UBA3: variants seen among roughly 807,000 people sequenced by gnomAD.
UBA3 encodes the protein NEDD8-activating enzyme E1 catalytic subunit.
UBA3 carries 26 observed loss-of-function variants against 73.5 expected under a neutral mutation model. The observed-to-expected ratio is 0.35, with a 90% CI of 0.26 to 0.49. UBA3 has a LOEUF of 0.49. UBA3 is among the 20% of genes least tolerant of loss of function. The pLI is 0.98. For synonymous variants in UBA3, 217 were observed against 191.2 expected (o/e 1.13, Z -1.11); for missense variants, 495 against 555.6 (o/e 0.89, Z 1.10).
intron 4 of UBA3, among the ~76,000 whole-genome samples, chr3:69,074,809 C>T (rs1248369828): frequency 6.6e-6 from 1 of 152,128 alleles, no homozygotes; most frequent in Non-Finnish European, 1.5e-5. Context: ...TAAATATATG[C>T]AAATAAGTTC....
chr3:69,076,050 C>A (rs534435444), intron 3 of UBA3, among the ~76,000 whole-genome samples: 1 of 151,994 alleles, frequency 6.6e-6, no homozygotes, highest in Non-Finnish European at 1.5e-5. Flanking sequence ...TTTTAAATTG[C>A]CTTTTATTGT....
In UBA3 at chr3:69,056,274, G is replaced by T. The variant is rs1361775048; in HGVS notation, c.1093C>A (p.Pro365Thr). ...TFEAERKENC[P>T]ACSQLPQNIQ... ...TTTTGAGGAAGCTGGCTACAAGCTG[G>T]GCAGTTTTCCTACACACATAATACA... The change falls in exon 15 of 18, where the codon CCA becomes ACA. Residue 365 changes from proline to threonine, a missense_variant. Coordinates refer to ENST00000361055, the MANE Select transcript of UBA3 (RefSeq NM_003968.4). The T allele has an allele frequency of 1.3e-6, 2 of 1,598,116 alleles. No homozygotes were observed. Among genetic ancestry groups the T allele is most frequent in the Non-Finnish European group, 1.7e-6 (2 of 1,175,482 alleles).
chr3:69,075,610 A>T, intron 3 of UBA3, 100 bp from the exon 4 acceptor site: 1 of 537,442 alleles, frequency 1.9e-6, no homozygotes, highest in East Asian at 3.8e-5. Context: ...TTCCAGGAAA[A>T]AATGCCACTA....
intron 2 of UBA3, 57 bp downstream of exon 2, chr3:69,080,055 G>A: frequency 6.5e-7 from 1 of 1,549,608 alleles, no homozygotes. Flanking sequence ...CCCTAGGCCT[G>A]GGGTGGGGGG....
In UBA3 at chr3:69,065,207, T is replaced by C. The variant is rs922537414; in HGVS notation, c.429-1096A>G. Reference sequence around the variant, plus strand: ...GTTTCCCAGACCCACATAATGGGGATAGACAAACTGAGTGCCCCCCACTAA... The same window carrying C: ...GTTTCCCAGACCCACATAATGGGGACAGACAAACTGAGTGCCCCCCACTAA... On this transcript the variant is annotated intron_variant, in intron 6 of 17. Coordinates refer to ENST00000361055, the MANE Select transcript of UBA3 (RefSeq NM_003968.4). Among the ~76,000 whole-genome samples the C allele has an allele frequency of 3.3e-5, 5 of 152,110 alleles. No homozygotes were observed. In the East Asian group the frequency reaches 5.8e-4, roughly 18 times the overall value.
intron 3 of UBA3, chr3:69,077,519 G>A (rs1410700869): frequency 1.1e-5 from 3 of 279,898 alleles, no homozygotes; most frequent in Non-Finnish European, 2.1e-5. Context: ...TACAAAAGGG[G>A]AGTATGTTTC....
At chr3:69,064,338 CTATATCAT>C (rs1159434997) in intron 6 of UBA3, among the ~76,000 whole-genome samples, 1 of 152,134 alleles carries the variant, frequency 6.6e-6, no homozygotes, top group Non-Finnish European at 1.5e-5. Context: ...TCCTGAACCC[CTATATCAT>C]TATATTTATG....
intron 2 of UBA3, chr3:69,079,888 G>A (rs955881559): frequency 9.7e-6 from 5 of 517,436 alleles, no homozygotes; most frequent in Non-Finnish European, 1.3e-5. Flanking sequence ...TGCAGGAGCT[G>A]GGGCAGTACA....
intron 6 of UBA3, among the ~76,000 whole-genome samples, chr3:69,065,682 T>C (rs1041883379): frequency 2.0e-5 from 3 of 152,182 alleles, no homozygotes; most frequent in Non-Finnish European, 4.4e-5. Flanking sequence ...GCTCAAGTGA[T>C]CTTCCCGCCT....
intron 12 of UBA3, 113 bp downstream of exon 12, chr3:69,057,143 A>T: frequency 9.1e-7 from 1 of 1,104,146 alleles, no homozygotes; most frequent in Non-Finnish European, 1.3e-6. Flanking sequence ...TCGACAGCTT[A>T]GTTACACAAC....
At chr3:69,069,790 T>C (rs975809950) in intron 5 of UBA3, among the ~76,000 whole-genome samples, 5 of 152,246 alleles carry the variant, frequency 3.3e-5, no homozygotes, top group Non-Finnish European at 5.9e-5. Flanking sequence ...GAAAGCTCTT[T>C]TGGTTTGTAA....
rs1193822203 is a variant in UBA3, at chr3:69,062,176, T to C, written c.697A>G (p.Asn233Asp). ...CTLELYPPQV[N>D]FPMCTIASMP... is the part of the protein sequence containing the mutation. ...GATGCAATGGTGCACATGGGAAAAT[T>C]AACCTAAAACCACAGTTTGTCCTTT... Residue 233 changes from asparagine (N) to aspartate (D), a missense_variant, in exon 10 of 18, where the codon AAT becomes GAT. By Grantham distance (23) the Asn-to-Asp change is conservative. Transcript: ENST00000361055. The C allele has an allele frequency of 6.2e-7, 1 of 1,605,820 alleles. No homozygotes were observed. The highest frequency in any genetic ancestry group is 8.5e-7 in the Non-Finnish European group (1 of 1,173,798).
rs571917864 is a variant in UBA3 at position 69,069,470 on chromosome 3, G to C, written c.348-1462C>G. Among the ~76,000 whole-genome samples, 3 of 152,188 alleles carry C rather than the reference G, an allele frequency of 2.0e-5. No homozygotes were observed. In the South Asian group the frequency reaches 6.2e-4, roughly 32 times the overall value. On this transcript the variant is annotated intron_variant, in intron 5 of 17. Coordinates refer to ENST00000361055, the MANE Select transcript of UBA3 (RefSeq NM_003968.4). ...AGCCTCCAGAGTGCTGGGACTACGG[G>C]CATGAGTCACTACGCCTGGCTAATT... is the stretch of plus-strand genomic sequence containing the variant.
chr3:69,080,079 C>T (rs768684560), intron 2 of UBA3, 33 bp downstream of exon 2: 3 of 1,602,022 alleles, frequency 1.9e-6, no homozygotes, highest in Admixed American at 1.7e-5. Context: ...CGGGGGTCCC[C>T]GGAGAGGGCC....
intron 2 of UBA3, 129 bp from the exon 3 acceptor site, chr3:69,078,047 A>G (rs1187807178): frequency 9.9e-6 from 12 of 1,207,020 alleles, no homozygotes; most frequent in East Asian, 5.1e-5. Context: ...AAAATATTCA[A>G]TGTGATTATG....
chr3:69,068,811 T>C (rs1052600023), intron 5 of UBA3, among the ~76,000 whole-genome samples: 9 of 152,208 alleles, frequency 5.9e-5, no homozygotes, highest in African/African-American at 1.7e-4. Context: ...CCTCAGGTGA[T>C]CTGCCCGCCT....
intron 11 of UBA3, among the ~76,000 whole-genome samples, chr3:69,060,067 G>A (rs1413532335): frequency 6.6e-6 from 1 of 152,016 alleles, no homozygotes; most frequent in Non-Finnish European, 1.5e-5. Context: ...AACCTAAAAG[G>A]GCCTGGCCAG....
chr3:69,075,615 C>A (rs530324887), intron 3 of UBA3, 105 bp from the exon 4 acceptor site: 1 of 499,382 alleles, frequency 2.0e-6, no homozygotes, highest in East Asian at 3.9e-5. Flanking sequence ...GGAAAAAATG[C>A]CACTAGGATA....
intron 6 of UBA3, 52 bp from the exon 7 acceptor site, chr3:69,064,163 A>G: frequency 2.1e-6 from 3 of 1,443,060 alleles, no homozygotes; most frequent in Non-Finnish European, 2.9e-6. Flanking sequence ...TCTAAAATGA[A>G]TTTGACAATG....
Sources: allele counts gnomAD v4.1 joint callset (sites outside exome capture counted in the v4.1 genomes callset), GRCh38; gene constraint gnomAD v4.1.1; transcripts MANE v1.5; gene names NCBI Gene and HGNC (gene_info 2026-07-23, HGNC 2026-07-21).